DSTN: variants seen among roughly 807,000 people sequenced by gnomAD.
DSTN encodes destrin.
DSTN carries 10 observed loss-of-function variants against 16.8 expected under a neutral mutation model. The observed-to-expected ratio is 0.60, with a 90% CI of 0.37 to 1.01. The LOEUF is 1.01. Among genes scored for constraint, DSTN ranks in the 50% least tolerant of loss-of-function variants. DSTN has a pLI of 0.01. For synonymous variants in DSTN, 57 were observed against 58.9 expected, an observed-to-expected ratio of 0.97 and a Z score of 0.14; for missense variants, 141 against 196.7, an observed-to-expected ratio of 0.72 and a Z score of 1.69.
chr20:17,605,711 C>T lies in DSTN; in HGVS notation c.388+1080C>T, dbSNP rs118132948. On this transcript the variant is annotated intron_variant, in intron 3 of 3. Coordinates refer to ENST00000246069, the MANE Select transcript of DSTN (RefSeq NM_006870.4). ...TCCTTTAGCTTCAACACTTTCCCAG[C>T]CCAACCAAAAGGTTCACAGTGGATT... Among the ~76,000 whole-genome samples the T allele has an allele frequency of 4.9e-4, 74 of 152,262 alleles. 2 individuals are homozygous for T. In the East Asian group the frequency reaches 0.011, roughly 23 times the overall value.
chr20:17,575,926 A>G (rs915232624), intron 1 of DSTN, among the ~76,000 whole-genome samples: 2 of 152,224 alleles, frequency 1.3e-5, no homozygotes, highest in African/African-American at 2.4e-5. Flanking sequence ...CACTTCAGCA[A>G]TATTGTAACC....
At chr20:17,590,765 T>C (rs2035460745) in intron 1 of DSTN, among the ~76,000 whole-genome samples, 1 of 152,210 alleles carries the variant, frequency 6.6e-6, no homozygotes, top group South Asian at 2.1e-4. Context: ...AAATAAAGTT[T>C]AGGTTTCTTG....
chr20:17,603,617 G>T (rs117257014), intron 2 of DSTN, among the ~76,000 whole-genome samples: 19 of 152,212 alleles, frequency 1.2e-4, no homozygotes, highest in Admixed American at 2.0e-4. Context: ...GTTTCTGTCC[G>T]TTACTAATCA....
intron 1 of DSTN, chr20:17,596,531 A>G (rs1256245950): frequency 3.0e-5 from 20 of 657,980 alleles, no homozygotes; most frequent in Non-Finnish European, 3.6e-5. Context: ...TCATTCAGCT[A>G]TATTGGTTTG....
intron 1 of DSTN, 37 bp downstream of exon 1, chr20:17,570,248 G>A (rs2035181810): frequency 6.7e-7 from 1 of 1,483,456 alleles, no homozygotes. Flanking sequence ...GGCCGAGGCG[G>A]CCGGGAGCAG....
intron 2 of DSTN, among the ~76,000 whole-genome samples, chr20:17,603,021 A>G (rs2035603745): frequency 5.3e-5 from 8 of 152,176 alleles, no homozygotes; most frequent in Admixed American, 5.2e-4. Flanking sequence ...CTCCGCCTCA[A>G]AAAAATAAAA....
chr20:17,598,978 A>G (rs2035556936), intron 1 of DSTN, among the ~76,000 whole-genome samples: 1 of 152,198 alleles, frequency 6.6e-6, no homozygotes, highest in Admixed American at 6.5e-5. Flanking sequence ...TTTTCTACCC[A>G]AGAGAATTAA....
At chr20:17,591,624 C>CTGCTTCAGGTGATGT (rs1347760803) in intron 1 of DSTN, among the ~76,000 whole-genome samples, 3 of 152,204 alleles carry the variant, frequency 2.0e-5, no homozygotes, top group African/African-American at 7.2e-5. Context: ...AGTGTAAATA[C>CTGCTTCAGGTGATGT]AAACTCTCAG....
At chr20:17,595,920 C>G (rs6044899) in intron 1 of DSTN, among the ~76,000 whole-genome samples, 151,268 of 152,336 alleles carry the variant, frequency 0.99, 75,113 homozygotes, top group East Asian at 1. Context: ...GCATGAAGTA[C>G]CATTCAATCT....
chr20:17,596,672 A>G, intron 1 of DSTN: 2 of 985,362 alleles, frequency 2.0e-6, no homozygotes, highest in Non-Finnish European at 2.4e-6. Flanking sequence ...TTCTCCTTCA[A>G]GTATTCAGTG....
chr20:17,605,939 C>T (rs7267949), intron 3 of DSTN, among the ~76,000 whole-genome samples: 6,808 of 148,554 alleles, frequency 0.046, 355 homozygotes, highest in African/African-American at 0.13. Context: ...CCTGTCTCTA[C>T]TAAAAATACA....
chr20:17,595,319 C>T (rs1027123792), intron 1 of DSTN, among the ~76,000 whole-genome samples: 2 of 152,158 alleles, frequency 1.3e-5, no homozygotes, highest in African/African-American at 4.8e-5. Flanking sequence ...CCTTATACTT[C>T]ACAGAGAAAA....
intron 1 of DSTN, among the ~76,000 whole-genome samples, chr20:17,580,680 G>A (rs146559513): frequency 3.2e-4 from 49 of 152,032 alleles, no homozygotes; most frequent in African/African-American, 9.6e-4. Context: ...CCCGGGAGGC[G>A]GAGGTTGCAG....
At chr20:17,590,698 T>TC (rs1403590151) in intron 1 of DSTN, among the ~76,000 whole-genome samples, 2 of 152,232 alleles carry the variant, frequency 1.3e-5, no homozygotes, top group African/African-American at 4.8e-5. Flanking sequence ...TGTACTTGAA[T>TC]ATCAGTAACT....
At chr20:17,600,042 A>G (rs890713692) in intron 1 of DSTN, among the ~76,000 whole-genome samples, 8 of 152,256 alleles carry the variant, frequency 5.3e-5, no homozygotes, top group South Asian at 2.1e-4. Flanking sequence ...ATTTTGTTTA[A>G]CTGTCCTTCA....
At chr20:17,576,109 G>A (rs1244563405) in intron 1 of DSTN, 3 of 151,974 alleles carry the variant, frequency 2.0e-5, no homozygotes, top group Non-Finnish European at 2.9e-5. Context: ...TAATACTTTG[G>A]GCCAAAATGT....
intron 1 of DSTN, among the ~76,000 whole-genome samples, chr20:17,584,978 G>GT (rs1270204239): frequency 6.6e-6 from 1 of 152,054 alleles, no homozygotes; most frequent in Non-Finnish European, 1.5e-5. Flanking sequence ...TGGGCTGTCT[G>GT]TTTTTTTAGT....
At position 17,578,502 on chromosome 20, in the gene DSTN, A is replaced by C. The variant is rs746928382; in HGVS notation, c.3+8291A>C. ...CTTACAAGTAAAAATCCTTCAAGAT[A>C]GTTAAGGCAGTTATTAGAGTAATAC... On this transcript the variant is annotated intron_variant, in intron 1 of 3. Transcript: ENST00000246069. 3.5e-4 allele frequency among the ~76,000 whole-genome samples: 53 copies of C among 152,372 alleles called. 2 individuals carry two copies. Among genetic ancestry groups the C allele is most frequent in the Middle Eastern group, 6.8e-3 (2 of 294 alleles).
intron 1 of DSTN, among the ~76,000 whole-genome samples, chr20:17,586,736 G>T (rs1477920090): frequency 2.0e-5 from 3 of 152,196 alleles, no homozygotes; most frequent in Non-Finnish European, 4.4e-5. Context: ...AAGAGTCGAA[G>T]AAGCTCTAAC....
Sources: gnomAD v4.1 joint callset for allele counts (sites outside exome capture counted in the v4.1 genomes callset) on GRCh38, gnomAD v4.1.1 for gene constraint, MANE v1.5 for transcripts, NCBI Gene and HGNC (gene_info 2026-07-23, HGNC 2026-07-21) for gene names.